KLHL7: variants seen among roughly 807,000 people sequenced by gnomAD.
KLHL7 encodes the protein kelch like family member 7.
KLHL7 carries 44 observed loss-of-function variants against 67.4 expected under a neutral mutation model. That is an observed-to-expected ratio of 0.65 (90% CI 0.51 to 0.84). The LOEUF (loss-of-function observed/expected upper bound fraction) is 0.84, where lower values mean the gene tolerates loss of function less well. KLHL7 is among the 40% of genes least tolerant of loss of function. The pLI, the probability that KLHL7 is intolerant of heterozygous loss-of-function variation, is 0.00. For missense variants in KLHL7, 362 were observed against 718.1 expected, an observed-to-expected ratio of 0.50 and a Z score of 5.67; for synonymous variants, 252 against 243.3, an observed-to-expected ratio of 1.04 and a Z score of -0.33.
At position 23,175,519 on chromosome 7, in the gene KLHL7, G is replaced by T. The variant is rs1785277743; in HGVS notation, c.*1221G>T. On this transcript the variant is annotated 3_prime_UTR_variant, in exon 11 of 11. Transcript: ENST00000339077. ...AATTTTCAGTTTTCTTTATATAGAG[G>T]TTATAATAGTCTTAAACCCTAAAAA... The T allele has an allele frequency of 2.9e-6, 1 of 350,316 alleles. No individual in the cohort carries two copies. Among genetic ancestry groups the T allele is most frequent in the African/African-American group, 2.1e-5 (1 of 46,534 alleles). 21.7% of individuals were successfully genotyped at this position (350,316 alleles called of 1,614,324 possible).
At chr7:23,131,972 A>G (rs993182328) in intron 4 of KLHL7, among the ~76,000 whole-genome samples, 2 of 152,130 alleles carry the variant, frequency 1.3e-5, no homozygotes, top group Admixed American at 6.5e-5. Context: ...TGCTGTTGCA[A>G]ATGACTAGAT....
At chr7:23,107,924 T>A (rs1192297231) in intron 1 of KLHL7, among the ~76,000 whole-genome samples, 1 of 152,224 alleles carries the variant, frequency 6.6e-6, no homozygotes, top group African/African-American at 2.4e-5. Flanking sequence ...TTGTCCTGTT[T>A]AACATCATAA....
intron 7 of KLHL7, among the ~76,000 whole-genome samples, chr7:23,162,743 G>A (rs756763289): frequency 1.3e-5 from 2 of 152,202 alleles, no homozygotes; most frequent in African/African-American, 4.8e-5. Flanking sequence ...CACCATAGGT[G>A]TATGACCTTT....
At chr7:23,145,557 G>A (rs1392737655) in intron 6 of KLHL7, among the ~76,000 whole-genome samples, 3 of 152,130 alleles carry the variant, frequency 2.0e-5, no homozygotes, top group African/African-American at 7.2e-5. Flanking sequence ...GGGCATCTCA[G>A]TTCTTGGGCT....
chr7:23,144,165 GT>G (rs1422621278), intron 6 of KLHL7, 140 bp downstream of exon 6: 6 of 748,904 alleles, frequency 8.0e-6, no homozygotes, highest in Non-Finnish European at 1.4e-5. Context: ...AATCCCTTGG[GT>G]TTCTGAACTG....
intron 7 of KLHL7, among the ~76,000 whole-genome samples, chr7:23,155,480 T>C (rs764695969): frequency 1.3e-5 from 2 of 151,788 alleles, no homozygotes; most frequent in Non-Finnish European, 2.9e-5. Flanking sequence ...CTGGGCAACA[T>C]GGTGAAACCC....
rs572263787 is a variant in KLHL7 at position 23,146,633 on chromosome 7, A to T, written c.793+2608A>T. On this transcript the variant is annotated intron_variant, in intron 6 of 10. Transcript: ENST00000339077. ...TAAATTTTCCTCTTGTGCATTTATC[A>T]CTTATAGAGTTCTTCTTCTTCTTCT... Among the ~76,000 whole-genome samples the T allele has an allele frequency of 4.1e-5, 6 of 147,170 alleles. No homozygotes were observed. The East Asian group carries it at 1.2e-3, about 29-fold the overall frequency.
chr7:23,153,435 C>A (rs1258931280), intron 7 of KLHL7, among the ~76,000 whole-genome samples: 6 of 152,164 alleles, frequency 3.9e-5, no homozygotes, highest in Non-Finnish European at 7.4e-5. Flanking sequence ...GCCTTTGGAA[C>A]CTCCGTAAGC....
chr7:23,157,703 A>G (rs1197333349), intron 7 of KLHL7, among the ~76,000 whole-genome samples: 1 of 152,152 alleles, frequency 6.6e-6, no homozygotes, highest in Non-Finnish European at 1.5e-5. Flanking sequence ...ACCTTGGTAT[A>G]GTGCCTGAAG....
intron 1 of KLHL7, among the ~76,000 whole-genome samples, chr7:23,108,070 AT>A (rs1029008948): frequency 2.6e-5 from 4 of 152,146 alleles, no homozygotes; most frequent in African/African-American, 9.7e-5. Context: ...TTTAGTAAAT[AT>A]TTTTGTGTTA....
rs542838364 is a variant in KLHL7, at chr7:23,174,932, T to C, written c.*634T>C. On this transcript the variant is annotated 3_prime_UTR_variant, in exon 11 of 11. Transcript: ENST00000339077. ...ATATATTCAATCCACTTAAATATAT[T>C]CCATCTTTTTAACATAAAATGTAAA... is the stretch of plus-strand genomic sequence containing the variant. 3 of 453,926 alleles carry C rather than the reference T, an allele frequency of 6.6e-6. No homozygotes were observed. Among genetic ancestry groups the C allele is most frequent in the Non-Finnish European group, 1.3e-5 (3 of 226,560 alleles). 28.1% of individuals were successfully genotyped at this position (453,926 alleles called of 1,614,324 possible). A position where few individuals can be genotyped will look rare whatever the true frequency, so the allele number is the denominator to read the frequency against.
intron 5 of KLHL7, 126 bp downstream of exon 5, chr7:23,141,070 CAG>C (rs1439683321): frequency 2.3e-6 from 2 of 872,012 alleles, no homozygotes; most frequent in African/African-American, 3.3e-5. Flanking sequence ...TTACACTAAA[CAG>C]AGTATTGTAA....
At chr7:23,172,793 A>G (rs1785202927) in intron 9 of KLHL7, 155 bp from the exon 10 acceptor site, 1 of 613,926 alleles carries the variant, frequency 1.6e-6, no homozygotes, top group Non-Finnish European at 3.0e-6. Flanking sequence ...ATCATTGTTC[A>G]ACTTTTGTTT....
rs570023025 is a variant in KLHL7, at chr7:23,174,376, A to C, written c.*78A>C. ...CTTTGTTCCAGGAGTTTGGTGACAA[A>C]GTTTTGGTTTGGTGTTTTGGTAAAG... On this transcript the variant is annotated 3_prime_UTR_variant, in exon 11 of 11. Coordinates refer to ENST00000339077, the MANE Select transcript of KLHL7 (RefSeq NM_001031710.3). The C allele has an allele frequency of 4.4e-5, 67 of 1,532,252 alleles. No individual in the cohort carries two copies. The highest frequency in any genetic ancestry group is 6.0e-5 in the Non-Finnish European group (66 of 1,108,910). 94.9% of individuals were successfully genotyped at this position (1,532,252 alleles called of 1,614,324 possible).
In KLHL7 at chr7:23,174,400, A is replaced by G. The variant is rs1785245987; in HGVS notation, c.*102A>G. The G allele has an allele frequency of 8.1e-7, 1 of 1,236,624 alleles. No individual in the cohort carries two copies. The highest frequency in any genetic ancestry group is 1.2e-6 in the Non-Finnish European group (1 of 848,466). The allele number at this position is 1,236,624 out of a possible 1,614,324, so 76.6% of individuals were successfully genotyped here. On this transcript the variant is annotated 3_prime_UTR_variant, in exon 11 of 11. Transcript: ENST00000339077. ...AAGTTTTGGTTTGGTGTTTTGGTAA[A>G]GAAAGTTTCAAGTGAAATGAGGTTC... is the stretch of plus-strand genomic sequence containing the variant.
At chr7:23,140,563 CAAAAAAA>C in intron 4 of KLHL7, 199 bp from the exon 5 acceptor site, 1 of 596,126 alleles carries the variant, frequency 1.7e-6, no homozygotes, top group Non-Finnish European at 2.9e-6. Flanking sequence ...TCTCAAAAAA[CAAAAAAA>C]CAAAAAACAA....
chr7:23,146,057 C>A (rs1291546795), intron 6 of KLHL7, among the ~76,000 whole-genome samples: 1 of 152,192 alleles, frequency 6.6e-6, no homozygotes, highest in Non-Finnish European at 1.5e-5. Flanking sequence ...AGACTCCCAT[C>A]CTTTTCTGTG....
At chr7:23,132,470 A>C (rs941592808) in intron 4 of KLHL7, among the ~76,000 whole-genome samples, 2 of 152,070 alleles carry the variant, frequency 1.3e-5, no homozygotes, top group African/African-American at 4.8e-5. Context: ...TATCTATTCA[A>C]ATCTTTTGCC....
At position 23,166,703 on chromosome 7, in the gene KLHL7, A is replaced by G. The variant is rs1381104060; in HGVS notation, c.1177+765A>G. Among the ~76,000 whole-genome samples, 6 of 152,184 alleles carry G rather than the reference A, an allele frequency of 3.9e-5. No homozygotes were observed. In the East Asian group the frequency reaches 7.7e-4, roughly 19 times the overall value. ...AAATCACTATTTCCTAAATGTAACC[A>G]TTTCCTCTCTTTAAAAGCATTCTTC... On this transcript the variant is annotated intron_variant, in intron 8 of 10. Coordinates refer to ENST00000339077, the MANE Select transcript of KLHL7 (RefSeq NM_001031710.3).
Sources: gnomAD v4.1 joint callset for allele counts (sites outside exome capture counted in the v4.1 genomes callset) on GRCh38, gnomAD v4.1.1 for gene constraint, MANE v1.5 for transcripts, NCBI Gene and HGNC (gene_info 2026-07-23, HGNC 2026-07-21) for gene names.